RARB: variants seen among roughly 807,000 people sequenced by gnomAD.
RARB encodes retinoic acid receptor beta.
Under a neutral mutation model 51.9 loss-of-function variants are expected in RARB, and 17 were observed. That is an observed-to-expected ratio of 0.33 (90% CI 0.22 to 0.49). RARB has a LOEUF of 0.49. RARB is among the 20% of genes least tolerant of loss of function. RARB has a pLI of 0.99. For synonymous variants in RARB, 215 were observed against 195.4 expected, an observed-to-expected ratio of 1.10 and a Z score of -0.84; for missense variants, 369 against 550.8, an observed-to-expected ratio of 0.67 and a Z score of 3.30.
At chr3:25,174,339 A>G (rs1172427216) in exon 5 of RARB, 4 of 1,308,240 alleles carry the variant, frequency 3.1e-6, no homozygotes, top group Non-Finnish European at 4.1e-6. Context: ...ACTTTGGTTT[A>G]AGACCTGGAG....
intron 3 of RARB, among the ~76,000 whole-genome samples, chr3:25,525,467 C>G (rs905356332): frequency 6.6e-6 from 1 of 152,168 alleles, no homozygotes; most frequent in African/African-American, 2.4e-5. Flanking sequence ...TTCATAGACC[C>G]CCCTCAGCAA....
At chr3:25,143,902 C>T (rs1700148274) in intron 4 of RARB, among the ~76,000 whole-genome samples, 1 of 152,150 alleles carries the variant, frequency 6.6e-6, no homozygotes, top group African/African-American at 2.4e-5. Context: ...CAGCACAGTG[C>T]CTAAAGCTCA....
chr3:24,917,494 G>A (rs747919336), intron 2 of RARB, among the ~76,000 whole-genome samples: 34 of 152,184 alleles, frequency 2.2e-4, no homozygotes, highest in Non-Finnish European at 4.8e-4. Flanking sequence ...TGATTGAATA[G>A]TCACTTCATC....
rs1701935130 is a variant in RARB, at chr3:25,597,775, A to ATAT, written c.*1160_*1161insATT. The ATAT allele has an allele frequency of 6.7e-6, 1 of 149,826 alleles. No individual in the cohort carries two copies. The highest frequency in any genetic ancestry group is 2.5e-5 in the African/African-American group (1 of 40,782). The allele number at this position is 149,826 out of a possible 1,614,324, so 9.3% of individuals were successfully genotyped here. A position where few individuals can be genotyped will look rare whatever the true frequency, so the allele number is the denominator to read the frequency against. ...TAGTTCTCATTTAAGCACTAGTGGA[A>ATAT]TTTTTTTTTTTTGATATATTAGCAA... is the stretch of plus-strand genomic sequence containing the variant. On this transcript the variant is annotated 3_prime_UTR_variant, in exon 8 of 8. Transcript: ENST00000330688.
At chr3:24,915,165 A>C (rs1434351344) in intron 2 of RARB, among the ~76,000 whole-genome samples, 2 of 152,182 alleles carry the variant, frequency 1.3e-5, no homozygotes, top group African/African-American at 4.8e-5. Context: ...AAGAAAACAA[A>C]AACAAACTTT....
intron 5 of RARB, among the ~76,000 whole-genome samples, chr3:25,213,616 A>T (rs1701750333): frequency 6.6e-6 from 1 of 152,186 alleles, no homozygotes; most frequent in African/African-American, 2.4e-5. Context: ...GCATAAGTTC[A>T]GCTTATTAGT....
intron 3 of RARB, among the ~76,000 whole-genome samples, chr3:25,513,661 T>TACAC (rs10525876): frequency 3.9e-4 from 57 of 145,196 alleles, no homozygotes; most frequent in Admixed American, 8.8e-4. Context: ...CTCTCAAAAC[T>TACAC]ACACACACAC....
intron 1 of RARB, among the ~76,000 whole-genome samples, chr3:24,857,761 C>A (rs959007424): frequency 6.6e-6 from 1 of 151,992 alleles, no homozygotes; most frequent in Non-Finnish European, 1.5e-5. Flanking sequence ...ACAAAAAAAA[C>A]AAAACAAAAC....
At chr3:25,176,313 C>CTTTCTT (rs1466361090) in intron 5 of RARB, among the ~76,000 whole-genome samples, 1 of 31,616 alleles carries the variant, frequency 3.2e-5, no homozygotes, top group East Asian at 7.7e-4. Context: ...TTCTTTCTTT[C>CTTTCTT]TTTCTTTCTT....
chr3:25,026,659 T>C (rs1027851513), intron 2 of RARB, among the ~76,000 whole-genome samples: 4 of 152,192 alleles, frequency 2.6e-5, no homozygotes, highest in African/African-American at 7.2e-5. Flanking sequence ...CTTTAACATA[T>C]AAATTTTGGA....
chr3:24,966,303 G>GGA (rs1696254280), intron 2 of RARB, among the ~76,000 whole-genome samples: 2 of 152,002 alleles, frequency 1.3e-5, no homozygotes, highest in Non-Finnish European at 2.9e-5. Flanking sequence ...ACTGGGATGG[G>GGA]GAGTTGTAGG....
At chr3:25,262,000 C>G (rs1703009656) in intron 5 of RARB, among the ~76,000 whole-genome samples, 2 of 152,160 alleles carry the variant, frequency 1.3e-5, no homozygotes, top group Non-Finnish European at 2.9e-5. Flanking sequence ...GTTTTCAAAA[C>G]ATAAACCTGA....
chr3:25,041,984 G>C lies in RARB; in HGVS notation c.-379-18141G>C, dbSNP rs186132490. 1.2e-4 allele frequency among the ~76,000 whole-genome samples: 19 copies of C among 152,226 alleles called. No homozygotes were observed. In the East Asian group the frequency reaches 3.7e-3, roughly 29 times the overall value. On this transcript the variant is annotated intron_variant, in intron 2 of 11. Transcript: ENST00000383772. ...ACAAATCCGCTGTCCCCAGGGCAGG[G>C]TGCAAACAATCAATGAGAGAAGGTC...
chr3:24,965,090 T>C (rs902429477), intron 2 of RARB, among the ~76,000 whole-genome samples: 26 of 152,142 alleles, frequency 1.7e-4, no homozygotes, highest in African/African-American at 6.0e-4. Flanking sequence ...CCTTTCTACA[T>C]TGGGTGCTAG....
intron 3 of RARB, among the ~76,000 whole-genome samples, chr3:25,112,511 TCATACCTGTAATCCCAGCA>T (rs1228104735): frequency 6.6e-6 from 1 of 152,176 alleles, no homozygotes; most frequent in Non-Finnish European, 1.5e-5. Flanking sequence ...GAGTGGTGGC[TCATACCTGTAATCCCAGCA>T]CTTTGGGAAA....
intron 5 of RARB, among the ~76,000 whole-genome samples, chr3:25,276,786 G>T (rs186812037): frequency 7.4e-4 from 113 of 152,270 alleles, no homozygotes; most frequent in African/African-American, 2.6e-3. Context: ...GCTGTGTGAA[G>T]ACCAAGTTTT....
chr3:24,993,106 T>C (rs181670143), intron 2 of RARB, among the ~76,000 whole-genome samples: 81 of 152,296 alleles, frequency 5.3e-4, no homozygotes, highest in African/African-American at 1.9e-3. Context: ...TCCAGTTAAA[T>C]ATTCATACAA....
At chr3:24,991,766 T>C (rs185097897) in intron 2 of RARB, among the ~76,000 whole-genome samples, 7 of 152,042 alleles carry the variant, frequency 4.6e-5, no homozygotes, top group Admixed American at 4.6e-4. Flanking sequence ...AGGGTGTTTT[T>C]TTTTTTTCCC....
intron 5 of RARB, among the ~76,000 whole-genome samples, chr3:25,368,062 C>A (rs1267095211): frequency 2.0e-5 from 3 of 152,132 alleles, no homozygotes; most frequent in Admixed American, 6.5e-5. Context: ...AAAGACTTTC[C>A]TTTATTCTAA....
Sources: gnomAD v4.1 joint callset for allele counts (sites outside exome capture counted in the v4.1 genomes callset) on GRCh38, gnomAD v4.1.1 for gene constraint, MANE v1.5 for transcripts, NCBI Gene and HGNC (gene_info 2026-07-23, HGNC 2026-07-21) for gene names.